The following CEP63 variants were observed in gnomAD, a reference collection of about 807,000 sequenced individuals.
CEP63 encodes centrosomal protein 63.
CEP63 carries 84 observed loss-of-function variants against 89.1 expected under a neutral mutation model. The observed-to-expected ratio is 0.94, with a 90% CI of 0.79 to 1.13. CEP63 has a LOEUF of 1.13. Ranked by LOEUF, CEP63 falls within the 50% of genes most tolerant of loss-of-function variation. The pLI is 0.00. For missense variants in CEP63, 838 were observed against 813.3 expected (o/e 1.03, Z -0.37); for synonymous variants, 267 against 272.5 (o/e 0.98, Z 0.20).
the CEP63 span, among the ~76,000 whole-genome samples, chr3:134,746,014 C>A: frequency 2.0e-5 from 3 of 151,336 alleles, no homozygotes; most frequent in Admixed American, 6.6e-5. Flanking sequence ...TTTTTGCACC[C>A]ATTAACTCAT....
At chr3:134,711,848 T>C in the CEP63 span, among the ~76,000 whole-genome samples, 15 of 151,810 alleles carry the variant, frequency 9.9e-5, no homozygotes, top group African/African-American at 3.6e-4. Flanking sequence ...CTGTAACCTC[T>C]GCCCCCTGGG....
At chr3:134,765,092 T>C in the CEP63 span, among the ~76,000 whole-genome samples, 1 of 152,156 alleles carries the variant, frequency 6.6e-6, no homozygotes, top group Admixed American at 6.5e-5. Context: ...CAGGTCAGGG[T>C]AGGGCCTGAT....
At chr3:134,656,023 G>A in the CEP63 span, among the ~76,000 whole-genome samples, 2 of 152,184 alleles carry the variant, frequency 1.3e-5, no homozygotes, top group Non-Finnish European at 2.9e-5. Context: ...GGGTGAGGAT[G>A]GTTACACTGT....
At chr3:134,512,259 A>G (rs1945157995) in intron 3 of CEP63, among the ~76,000 whole-genome samples, 2 of 152,200 alleles carry the variant, frequency 1.3e-5, no homozygotes, top group Non-Finnish European at 2.9e-5. Context: ...TTGGTGGATC[A>G]CTAATATAAG....
At chr3:134,631,005 A>G in the CEP63 span, among the ~76,000 whole-genome samples, 1 of 152,252 alleles carries the variant, frequency 6.6e-6, no homozygotes, top group Non-Finnish European at 1.5e-5. Flanking sequence ...GACAGAGAAC[A>G]CAGTCAGAGA....
the CEP63 span, among the ~76,000 whole-genome samples, chr3:134,757,723 C>G: frequency 6.6e-6 from 1 of 152,196 alleles, no homozygotes; most frequent in South Asian, 2.1e-4. Flanking sequence ...GGGGGTGGTG[C>G]ATGGTGCAGA....
At chr3:134,571,156 A>T (rs1244985604) in intron 11 of CEP63, among the ~76,000 whole-genome samples, 1 of 152,216 alleles carries the variant, frequency 6.6e-6, no homozygotes, top group Non-Finnish European at 1.5e-5. Flanking sequence ...AGAATGGAAA[A>T]CACAGCAAGT....
At chr3:134,746,500 G>A in the CEP63 span, among the ~76,000 whole-genome samples, 1 of 152,202 alleles carries the variant, frequency 6.6e-6, no homozygotes, top group East Asian at 1.9e-4. Flanking sequence ...TCGCCACACT[G>A]TATTCCACAA....
At chr3:134,761,358 C>T in the CEP63 span, among the ~76,000 whole-genome samples, 5 of 152,166 alleles carry the variant, frequency 3.3e-5, no homozygotes, top group Non-Finnish European at 7.3e-5. Context: ...AGGCCTGCTG[C>T]AGCTCAGAGG....
Position 134,561,464 on chromosome 3 carries a change from T to C in CEP63, c.2041T>C (p.Leu681=), listed in dbSNP as rs1373681796. 2 of 1,613,986 alleles carry C rather than the reference T, an allele frequency of 1.2e-6. No homozygotes were observed. The highest frequency in any genetic ancestry group is 1.7e-6 in the Non-Finnish European group (2 of 1,179,920). Residue 681 remains leucine, a synonymous_variant, in exon 15 of 15, where the codon TTG becomes CTG. Coordinates refer to ENST00000675561, the MANE Select transcript of CEP63 (RefSeq NM_001353108.3). The part of the protein sequence containing the change: ...ELRSHHILER[L]DAHIEELKRE... ...GAGGTCTCATCACATTCTAGAGCGC[T>C]TGGATGCCCATATTGAAGAACTAAA...
At chr3:134,708,186 C>G in the CEP63 span, among the ~76,000 whole-genome samples, 1 of 152,226 alleles carries the variant, frequency 6.6e-6, no homozygotes, top group African/African-American at 2.4e-5. Context: ...CTCAAATGAG[C>G]ATTCTAAGAA....
chr3:134,737,068 T>C, the CEP63 span, among the ~76,000 whole-genome samples: 1 of 152,294 alleles, frequency 6.6e-6, no homozygotes, highest in East Asian at 1.9e-4. Flanking sequence ...GGAAAGGCTA[T>C]TCAATTAATA....
the CEP63 span, among the ~76,000 whole-genome samples, chr3:134,754,970 C>T: frequency 1.8e-4 from 28 of 152,142 alleles, no homozygotes; most frequent in Non-Finnish European, 3.7e-4. Context: ...ACCCTGGGCT[C>T]CCTCTTCACT....
the CEP63 span, among the ~76,000 whole-genome samples, chr3:134,766,861 C>A: frequency 1.4e-4 from 21 of 152,196 alleles, no homozygotes; most frequent in African/African-American, 4.1e-4. Flanking sequence ...CATGACCTGG[C>A]ACCCACATTT....
chr3:134,534,926 C>T (rs1045322010), intron 5 of CEP63, among the ~76,000 whole-genome samples: 2 of 152,142 alleles, frequency 1.3e-5, no homozygotes, highest in Non-Finnish European at 2.9e-5. Context: ...CTTGTGTCCA[C>T]CCACCTATCT....
chr3:134,753,257 A>G, the CEP63 span, among the ~76,000 whole-genome samples: 1 of 152,056 alleles, frequency 6.6e-6, no homozygotes, highest in East Asian at 1.9e-4. Flanking sequence ...TTCTCTTTGC[A>G]TCTGTCACCA....
At chr3:134,631,692 A>T in the CEP63 span, among the ~76,000 whole-genome samples, 46 of 152,282 alleles carry the variant, frequency 3.0e-4, no homozygotes, top group African/African-American at 1.0e-3. Flanking sequence ...CATATAATAC[A>T]TACAAAAATA....
the CEP63 span, among the ~76,000 whole-genome samples, chr3:134,722,688 A>T: frequency 8.5e-5 from 13 of 152,264 alleles, no homozygotes. Context: ...CTAGTGATTT[A>T]AAAAAATGTG....
chr3:134,655,731 T>G, the CEP63 span, among the ~76,000 whole-genome samples: 2 of 152,208 alleles, frequency 1.3e-5, no homozygotes, highest in South Asian at 4.2e-4. Context: ...TGTCAGCCTA[T>G]GGGGAAGATG....
Sources: allele counts gnomAD v4.1 joint callset (sites outside exome capture counted in the v4.1 genomes callset), GRCh38; gene constraint gnomAD v4.1.1; transcripts MANE v1.5; gene names NCBI Gene and HGNC (gene_info 2026-07-23, HGNC 2026-07-21).